The following VWA8 variants were observed in gnomAD, a reference collection of about 807,000 sequenced individuals.
VWA8 encodes the protein von Willebrand factor A domain-containing protein 8.
In VWA8, 221 loss-of-function variants were observed where a neutral mutation model predicts 241.5. The observed-to-expected ratio is 0.91, with a 90% CI of 0.82 to 1.02. VWA8 has a LOEUF of 1.02. VWA8 is among the 50% of genes least tolerant of loss of function. The probability of loss-of-function intolerance (pLI) is 0.00; values close to 1 mark genes in which losing one functional copy is unlikely to be tolerated. For synonymous variants in VWA8, 852 were observed against 827.1 expected, an observed-to-expected ratio of 1.03 and a Z score of -0.52; for missense variants, 2,322 against 2,328.7, an observed-to-expected ratio of 1.00 and a Z score of 0.06.
intron 12 of VWA8, among the ~76,000 whole-genome samples, chr13:41,846,806 G>A (rs1246931603): frequency 6.6e-6 from 1 of 152,184 alleles, no homozygotes; most frequent in Non-Finnish European, 1.5e-5. Flanking sequence ...GGAGGCCAAG[G>A]TAGGCGGATC....
chr13:41,783,830 T>C lies in VWA8; in HGVS notation c.2242A>G (p.Lys748Glu), dbSNP rs1869011799. 1 of 1,613,438 alleles carries C rather than the reference T, an allele frequency of 6.2e-7. No individual in the cohort carries two copies. The highest frequency in any genetic ancestry group is 8.5e-7 in the Non-Finnish European group (1 of 1,179,850). Reference sequence around the variant, plus strand: ...TCATAGAAAAGAACATCAGGCACTTTCATTTTCTCATGTGCATTATAGATC... The same window carrying C: ...TCATAGAAAAGAACATCAGGCACTTCCATTTTCTCATGTGCATTATAGATC... ...APIYNAHEKM[K>E]VPDVLFYDNI... The change falls in exon 19 of 45, where the codon AAA becomes GAA. Residue 748 changes from lysine (K) to glutamate (E), a missense_variant. Lys to Glu is a moderately conservative substitution (Grantham distance 56). Transcript: ENST00000379310.
At chr13:41,763,308 AATAGATAGATAGATAG>A (rs542268211) in intron 20 of VWA8, among the ~76,000 whole-genome samples, 12 of 145,774 alleles carry the variant, frequency 8.2e-5, no homozygotes, top group African/African-American at 2.0e-4. Flanking sequence ...TAAATAAATA[AATAGATAGATAGATAG>A]ATAGATAGAT....
intron 34 of VWA8, among the ~76,000 whole-genome samples, chr13:41,687,388 TAA>T (rs1158120066): frequency 6.6e-6 from 1 of 152,182 alleles, no homozygotes; most frequent in Non-Finnish European, 1.5e-5. Flanking sequence ...TATTAGATTT[TAA>T]AAGTTATACA....
At chr13:41,742,112 G>C (rs2045573616) in intron 21 of VWA8, among the ~76,000 whole-genome samples, 1 of 152,196 alleles carries the variant, frequency 6.6e-6, no homozygotes, top group Admixed American at 6.5e-5. Flanking sequence ...AGATAGGCAG[G>C]CTAAGTCCAG....
intron 22 of VWA8, 121 bp from the exon 23 acceptor site, chr13:41,729,798 GACACACACACACACACACACACACAC>G (rs59345894): frequency 3.2e-5 from 14 of 443,762 alleles, no homozygotes; most frequent in Non-Finnish European, 4.0e-5. Context: ...TATACACGTA[GACACACACACACACACACACACACAC>G]ACACACACAC....
intron 26 of VWA8, 124 bp from the exon 27 acceptor site, chr13:41,703,535 A>G (rs146103039): frequency 0.01 from 7,433 of 730,486 alleles, 85 homozygotes; most frequent in South Asian, 0.037. Context: ...GAAGTGAGTT[A>G]TACATCATTT....
At chr13:41,775,915 AT>A (rs1319525266) in intron 20 of VWA8, among the ~76,000 whole-genome samples, 4 of 152,158 alleles carry the variant, frequency 2.6e-5, no homozygotes, top group Non-Finnish European at 4.4e-5. Flanking sequence ...CTGGCTAGGC[AT>A]TAACTTCAAC....
chr13:41,580,101 C>T (rs34263535), intron 42 of VWA8, among the ~76,000 whole-genome samples: 24,612 of 151,850 alleles, frequency 0.16, 2,128 homozygotes, highest in Admixed American at 0.25. Flanking sequence ...GCAATAAACC[C>T]GCCCTGGCCT....
At chr13:41,752,448 T>C (rs1344311854) in intron 21 of VWA8, among the ~76,000 whole-genome samples, 2 of 152,156 alleles carry the variant, frequency 1.3e-5, no homozygotes, top group Non-Finnish European at 2.9e-5. Flanking sequence ...ACAAGCAAGC[T>C]GTACTAGGTC....
chr13:41,771,967 C>A (rs372403690), intron 20 of VWA8, among the ~76,000 whole-genome samples: 444 of 147,894 alleles, frequency 3.0e-3, no homozygotes, highest in African/African-American at 9.5e-3. Context: ...CTCAGCTCAC[C>A]GCAACCTCTG....
intron 37 of VWA8, among the ~76,000 whole-genome samples, chr13:41,654,174 A>G (rs888107301): frequency 6.6e-6 from 1 of 152,242 alleles, no homozygotes; most frequent in Admixed American, 6.5e-5. Context: ...AACTATAGTG[A>G]TAATAACTGA....
chr13:41,758,415 T>TGG (rs200004147), intron 21 of VWA8, among the ~76,000 whole-genome samples: 1 of 69,512 alleles, frequency 1.4e-5, no homozygotes, highest in Admixed American at 1.5e-4. Flanking sequence ...TATATATATA[T>TGG]ATATATATAT....
intron 37 of VWA8, among the ~76,000 whole-genome samples, chr13:41,662,768 T>C (rs975304493): frequency 1.3e-5 from 2 of 152,180 alleles, no homozygotes; most frequent in Non-Finnish European, 2.9e-5. Context: ...ATACATGTGA[T>C]GTTGAATAGG....
rs148704870 is a variant in VWA8 at position 41,669,396 on chromosome 13, G to A, written c.4611+1550C>T. On this transcript the variant is annotated intron_variant, in intron 37 of 44. Transcript: ENST00000379310. The stretch of plus-strand genomic sequence containing the variant: ...TGTTATCAAATAGTTTCAATTACCA[G>A]TACATTTTAGTATATAGGAGTGTGA... 1.7e-3 allele frequency among the ~76,000 whole-genome samples: 259 copies of A among 152,220 alleles called. 1 individual carries two copies. The highest frequency in any genetic ancestry group is 5.9e-3 in the African/African-American group (246 of 41,528).
At chr13:41,741,403 A>C (rs2045568346) in intron 21 of VWA8, among the ~76,000 whole-genome samples, 1 of 152,144 alleles carries the variant, frequency 6.6e-6, no homozygotes, top group Non-Finnish European at 1.5e-5. Flanking sequence ...TTTATGATAA[A>C]TGGTTATGGC....
chr13:41,863,660 A>G (rs1013388825), intron 12 of VWA8, among the ~76,000 whole-genome samples: 5 of 151,846 alleles, frequency 3.3e-5, no homozygotes, highest in African/African-American at 1.2e-4. Context: ...GAAGAAAATC[A>G]TGTCCTTTGC....
intron 42 of VWA8, among the ~76,000 whole-genome samples, chr13:41,580,338 A>G (rs1157708807): frequency 6.6e-6 from 1 of 152,258 alleles, no homozygotes; most frequent in Admixed American, 6.5e-5. Flanking sequence ...CCATGTAGCA[A>G]TAAGAATTTA....
chr13:41,655,989 T>C (rs746604220), intron 37 of VWA8, among the ~76,000 whole-genome samples: 1 of 152,144 alleles, frequency 6.6e-6, no homozygotes, highest in Non-Finnish European at 1.5e-5. Flanking sequence ...AACTTCGAAA[T>C]AATTATGGGC....
intron 12 of VWA8, chr13:41,864,624 T>C (rs757388095): frequency 8.4e-5 from 37 of 440,566 alleles, no homozygotes; most frequent in South Asian, 5.6e-4. Context: ...GTACCTAGAA[T>C]AGGCAAATTT....
Sources: gnomAD v4.1 joint callset for allele counts (sites outside exome capture counted in the v4.1 genomes callset) on GRCh38, gnomAD v4.1.1 for gene constraint, MANE v1.5 for transcripts, NCBI Gene and HGNC (gene_info 2026-07-23, HGNC 2026-07-21) for gene names.